Variants in LOC400499 observed in about 807,000 individuals in gnomAD.
At chr16:11,397,491 T>C in the LOC400499 span, among the ~76,000 whole-genome samples, 1 of 152,142 alleles carries the variant, frequency 6.6e-6, no homozygotes, top group Non-Finnish European at 1.5e-5. Flanking sequence ...GCCAGGATGG[T>C]CTCGATCTCC....
the LOC400499 span, among the ~76,000 whole-genome samples, chr16:11,490,956 T>A: frequency 6.6e-6 from 1 of 152,230 alleles, no homozygotes; most frequent in Non-Finnish European, 1.5e-5. Context: ...ACTGCATTAA[T>A]AATAATAGCA....
chr16:11,460,436 T>C, the LOC400499 span: 31 of 1,491,148 alleles, frequency 2.1e-5, no homozygotes, highest in Non-Finnish European at 2.8e-5. Context: ...TGCCTGACTC[T>C]AGTGCTCTCT....
At chr16:11,488,121 A>AAC in the LOC400499 span, among the ~76,000 whole-genome samples, 1 of 151,378 alleles carries the variant, frequency 6.6e-6, no homozygotes. Flanking sequence ...CATGTCAAAA[A>AAC]AAAAAAAAAA....
chr16:11,479,712 T>A, the LOC400499 span, among the ~76,000 whole-genome samples: 1 of 152,200 alleles, frequency 6.6e-6, no homozygotes, highest in Non-Finnish European at 1.5e-5. Flanking sequence ...TCCCCATTGT[T>A]AACATCTTCC....
chr16:11,438,939 T>A, the LOC400499 span, among the ~76,000 whole-genome samples: 1 of 152,148 alleles, frequency 6.6e-6, no homozygotes, highest in Non-Finnish European at 1.5e-5. Context: ...TAATTTTTTT[T>A]ATTGCTGTCA....
chr16:11,402,256 C>T, the LOC400499 span: 1 of 398,662 alleles, frequency 2.5e-6, no homozygotes, highest in Non-Finnish European at 4.4e-6. Flanking sequence ...GACGCCACTG[C>T]CAGCTCACGC....
At chr16:11,402,891 C>G in the LOC400499 span, among the ~76,000 whole-genome samples, 1 of 152,180 alleles carries the variant, frequency 6.6e-6, no homozygotes, top group African/African-American at 2.4e-5. Context: ...TCGGGGGCCT[C>G]ACATGCACAG....
chr16:11,514,775 C>T, the LOC400499 span, among the ~76,000 whole-genome samples: 86,425 of 151,910 alleles, frequency 0.57, 24,946 homozygotes, highest in Admixed American at 0.63. Context: ...ATGACAAGGA[C>T]GAGGGGAAAC....
At chr16:11,420,145 G>A in the LOC400499 span, among the ~76,000 whole-genome samples, 29 of 149,964 alleles carry the variant, frequency 1.9e-4, no homozygotes, top group African/African-American at 3.2e-4. Context: ...ACATGCACAC[G>A]TATGTTTATT....
At chr16:11,488,574 C>T in the LOC400499 span, 586 of 385,582 alleles carry the variant, frequency 1.5e-3, 5 homozygotes, top group Non-Finnish European at 2.0e-3. Flanking sequence ...TTTCAGCCAC[C>T]ACACCCAACT....
At chr16:11,450,516 G>T in the LOC400499 span, 1 of 1,270,032 alleles carries the variant, frequency 7.9e-7, no homozygotes, top group Non-Finnish European at 1.1e-6. Context: ...GCTGCTATCT[G>T]CCCACAGACC....
chr16:11,436,745 G>A, the LOC400499 span, among the ~76,000 whole-genome samples: 1 of 151,786 alleles, frequency 6.6e-6, no homozygotes, highest in South Asian at 2.1e-4. Flanking sequence ...CCGCCACCAT[G>A]CCCAGCTAAT....
the LOC400499 span, among the ~76,000 whole-genome samples, chr16:11,478,931 CT>C: frequency 8.1e-4 from 123 of 152,330 alleles, no homozygotes; most frequent in African/African-American, 2.8e-3. Flanking sequence ...CAAGCTCTTT[CT>C]TTGTCTGCTG....
At chr16:11,393,433 G>T in the LOC400499 span, 4 of 1,232,296 alleles carry the variant, frequency 3.2e-6, no homozygotes, top group Admixed American at 1.7e-4. Context: ...CTTGGGGCCC[G>T]GAACACAGAC....
the LOC400499 span, among the ~76,000 whole-genome samples, chr16:11,477,475 C>T: frequency 6.6e-6 from 1 of 152,358 alleles, no homozygotes; most frequent in South Asian, 2.1e-4. Context: ...GAATAAGAAG[C>T]ACCAGGCTTG....
At chr16:11,495,180 C>G in the LOC400499 span, among the ~76,000 whole-genome samples, 3 of 150,592 alleles carry the variant, frequency 2.0e-5, no homozygotes, top group African/African-American at 7.3e-5. Context: ...CTGCACTGCA[C>G]CCTGGGTGGC....
chr16:11,418,825 T>C, the LOC400499 span, among the ~76,000 whole-genome samples: 1 of 152,238 alleles, frequency 6.6e-6, no homozygotes, highest in East Asian at 1.9e-4. Flanking sequence ...CAAACTCTGC[T>C]GTGAGATGTA....
the LOC400499 span, chr16:11,446,953 C>T: frequency 5.3e-6 from 8 of 1,508,310 alleles, no homozygotes; most frequent in Middle Eastern, 2.2e-4. Context: ...ATTAAAGCAG[C>T]TGGCAGTGCC....
chr16:11,423,192 C>G, the LOC400499 span: 1 of 399,318 alleles, frequency 2.5e-6, no homozygotes. Flanking sequence ...GAGAGGCTGC[C>G]CAGCGATGTC....
Sources: gnomAD v4.1 joint callset for allele counts (sites outside exome capture counted in the v4.1 genomes callset) on GRCh38, gnomAD v4.1.1 for gene constraint, MANE v1.5 for transcripts.